NINJ2: variants seen among roughly 807,000 people sequenced by gnomAD.
The protein encoded by NINJ2 is ninjurin-2.
A neutral mutation model predicts 11.7 loss-of-function variants in NINJ2; 12 were observed. The observed-to-expected ratio is 1.02, with a 90% confidence interval of 0.66 to 1.66. NINJ2 has a LOEUF of 1.66. NINJ2 is among the 40% of genes most tolerant of loss of function. NINJ2 has a pLI of 0.00. For missense variants in NINJ2, 187 were observed against 181.8 expected, an observed-to-expected ratio of 1.03 and a Z score of -0.16; for synonymous variants, 93 against 76.8, an observed-to-expected ratio of 1.21 and a Z score of -1.10.
At chr12:601,688 A>G (rs1446415548) in intron 1 of NINJ2, among the ~76,000 whole-genome samples, 1 of 151,528 alleles carries the variant, frequency 6.6e-6, no homozygotes, top group Non-Finnish European at 1.5e-5. Context: ...ACATGGCAAA[A>G]CCCCATCTCT....
intron 1 of NINJ2, among the ~76,000 whole-genome samples, chr12:649,357 A>G (rs1190834487): frequency 1.3e-5 from 2 of 152,016 alleles, no homozygotes; most frequent in African/African-American, 4.8e-5. Context: ...GGGATGTCAC[A>G]TTTCTAGTCT....
At chr12:566,784 C>T (rs964259199) in intron 1 of NINJ2, among the ~76,000 whole-genome samples, 1 of 152,248 alleles carries the variant, frequency 6.6e-6, no homozygotes, top group Non-Finnish European at 1.5e-5. Flanking sequence ...TGAGTGTATA[C>T]ACACAGTAAT....
chr12:603,994 T>C (rs1016073976), intron 1 of NINJ2, among the ~76,000 whole-genome samples: 1 of 152,190 alleles, frequency 6.6e-6, no homozygotes, highest in Non-Finnish European at 1.5e-5. Flanking sequence ...TGAGTCGTCA[T>C]AGAATTGGTG....
At chr12:573,494 G>A (rs1947408379) in intron 1 of NINJ2, among the ~76,000 whole-genome samples, 1 of 152,048 alleles carries the variant, frequency 6.6e-6, no homozygotes, top group South Asian at 2.1e-4. Context: ...CAGGAGAATT[G>A]CTTGAACCTC....
At chr12:631,472 T>C (rs1184676602) in intron 1 of NINJ2, among the ~76,000 whole-genome samples, 1 of 152,228 alleles carries the variant, frequency 6.6e-6, no homozygotes, top group East Asian at 1.9e-4. Flanking sequence ...CAAGCGATTC[T>C]GCTGCCTCAG....
At chr12:627,784 G>A (rs78878546) in intron 1 of NINJ2, among the ~76,000 whole-genome samples, 5 of 152,264 alleles carry the variant, frequency 3.3e-5, no homozygotes, top group African/African-American at 7.2e-5. Flanking sequence ...GCACAGTGGC[G>A]CATGCCTGTA....
At chr12:643,879 C>T (rs532693162) in intron 1 of NINJ2, 38 of 159,864 alleles carry the variant, frequency 2.4e-4, no homozygotes, top group Non-Finnish European at 4.5e-4. Flanking sequence ...GGTGCTCCAG[C>T]GCCTCTGCTT....
At chr12:659,678 A>G (rs1453693205) in intron 1 of NINJ2, among the ~76,000 whole-genome samples, 1 of 152,210 alleles carries the variant, frequency 6.6e-6, no homozygotes, top group Non-Finnish European at 1.5e-5. Flanking sequence ...GCTGCTACCC[A>G]TCCCAGTCTC....
intron 1 of NINJ2, among the ~76,000 whole-genome samples, chr12:652,957 AAAAG>A (rs1214744156): frequency 2.6e-5 from 4 of 151,056 alleles, no homozygotes; most frequent in African/African-American, 9.7e-5. Context: ...CAAAAAAAAA[AAAAG>A]AAAAAGAAAA....
chr12:600,823 A>C (rs1160266612), intron 1 of NINJ2, among the ~76,000 whole-genome samples: 2 of 152,090 alleles, frequency 1.3e-5, no homozygotes, highest in Non-Finnish European at 2.9e-5. Flanking sequence ...CTGGGATTAC[A>C]AGCATGAGCC....
intron 1 of NINJ2, among the ~76,000 whole-genome samples, chr12:570,840 G>T (rs1280286809): frequency 6.6e-6 from 1 of 152,238 alleles, no homozygotes; most frequent in African/African-American, 2.4e-5. Context: ...TGGTTGCTGG[G>T]CCCAGCTCTG....
chr12:609,371 G>A (rs1015202107), intron 1 of NINJ2, among the ~76,000 whole-genome samples: 9 of 152,132 alleles, frequency 5.9e-5, no homozygotes, highest in African/African-American at 1.9e-4. Context: ...CCGCAAAGAT[G>A]AGTAAAATGC....
rs1434525871 is a variant in NINJ2 at position 591,229 on chromosome 12, C to T, written c.34-25051G>A. The T allele has an allele frequency of 6.6e-6, 1 of 152,238 alleles. No homozygotes were observed. Among genetic ancestry groups the T allele is most frequent in the African/African-American group, 2.4e-5 (1 of 41,434 alleles). The allele number at this position is 152,238 out of a possible 1,614,324, so 9.4% of individuals were successfully genotyped here. ...CCATCATGTGGTCTGTGTGAACCAA[C>T]CATCAGGGCAGTTTAGGTACTGCAG... is the stretch of plus-strand genomic sequence containing the variant. On this transcript the variant is annotated intron_variant, in intron 1 of 3. Coordinates refer to ENST00000305108, the MANE Select transcript of NINJ2 (RefSeq NM_016533.6). This position sits in a 1 kb window ranked among gnomAD's most constrained non-coding sequence, Gnocchi z 5.0.
chr12:625,906 T>C (rs572192279), intron 1 of NINJ2, among the ~76,000 whole-genome samples: 1 of 152,320 alleles, frequency 6.6e-6, no homozygotes, highest in East Asian at 1.9e-4. Context: ...AATCACCTCC[T>C]TTATGGGTAG....
chr12:648,503 G>C (rs1284821321), intron 1 of NINJ2, among the ~76,000 whole-genome samples: 1 of 152,150 alleles, frequency 6.6e-6, no homozygotes, highest in Non-Finnish European at 1.5e-5. Context: ...TTAAAACAAG[G>C]GCTAGACCCG....
chr12:611,265 CTTTCTT>C (rs1460721600), intron 1 of NINJ2, among the ~76,000 whole-genome samples: 2 of 144,198 alleles, frequency 1.4e-5, no homozygotes, highest in African/African-American at 5.2e-5. Context: ...CTCTTTCTTT[CTTTCTT>C]TCTCTCTCTC....
At chr12:586,435 T>TG (rs1291196673) in intron 1 of NINJ2, 1 of 152,252 alleles carries the variant, frequency 6.6e-6, no homozygotes, top group African/African-American at 2.4e-5. Flanking sequence ...TCTCAGATGA[T>TG]GGTGTCAACA....
intron 1 of NINJ2, among the ~76,000 whole-genome samples, chr12:619,014 G>C (rs1948124040): frequency 6.6e-6 from 1 of 152,146 alleles, no homozygotes; most frequent in South Asian, 2.1e-4. Context: ...TTCTGACAGG[G>C]GCAGCAAAAC....
At chr12:596,391 G>A (rs754504575) in intron 1 of NINJ2, among the ~76,000 whole-genome samples, 38 of 152,164 alleles carry the variant, frequency 2.5e-4, no homozygotes, top group South Asian at 4.1e-4. Flanking sequence ...ATGTGTCAAC[G>A]CAGCTTCATT....
Sources: allele counts gnomAD v4.1 joint callset (sites outside exome capture counted in the v4.1 genomes callset), GRCh38; gene constraint gnomAD v4.1.1; non-coding constraint Gnocchi (gnomAD v3.1); transcripts MANE v1.5; gene names NCBI Gene and HGNC (gene_info 2026-07-23, HGNC 2026-07-21).